ESR1: variants seen among roughly 807,000 people sequenced by gnomAD.
ESR1 encodes the protein estrogen receptor 1, also known as estrogen receptor.
In ESR1, 12 loss-of-function variants were observed where a neutral mutation model predicts 52.7. The ratio of observed to expected loss-of-function variants is 0.23; its 90% CI spans 0.15 to 0.37. ESR1 has a LOEUF of 0.37. Ranked by LOEUF, ESR1 falls within the 10% of genes least tolerant of loss-of-function variation. ESR1 has a pLI of 1.00. For missense variants in ESR1, 584 were observed against 779.7 expected (o/e 0.75, Z 2.99); for synonymous variants, 305 against 316.8 (o/e 0.96, Z 0.39).
At chr6:152,081,167 T>C (rs573225841) in intron 6 of ESR1, among the ~76,000 whole-genome samples, 1 of 152,282 alleles carries the variant, frequency 6.6e-6, no homozygotes, top group East Asian at 1.9e-4. Context: ...ATCAACAGAA[T>C]ATACATTCTT....
chr6:151,747,029 T>A (rs925328291), intron 2 of ESR1, among the ~76,000 whole-genome samples: 1 of 152,266 alleles, frequency 6.6e-6, no homozygotes, highest in Admixed American at 6.5e-5. Flanking sequence ...ATTCTTAGGT[T>A]GTTGTATCTT....
intron 6 of ESR1, among the ~76,000 whole-genome samples, chr6:152,088,891 T>A (rs542784163): frequency 7.0e-4 from 106 of 152,374 alleles, no homozygotes; most frequent in African/African-American, 2.5e-3. Flanking sequence ...GAAGTAATTT[T>A]GCAAATGAGT....
At chr6:151,844,261 A>C (rs556709462) in intron 2 of ESR1, among the ~76,000 whole-genome samples, 77 of 152,248 alleles carry the variant, frequency 5.1e-4, no homozygotes, top group African/African-American at 1.8e-3. Context: ...AGGTTAGTAT[A>C]AGCCCTTAGA....
intron 4 of ESR1, among the ~76,000 whole-genome samples, chr6:151,981,874 G>A (rs726283): frequency 0.57 from 86,214 of 152,060 alleles, 28,660 homozygotes; most frequent in Middle Eastern, 0.79. Flanking sequence ...TCCTAAACAT[G>A]TTTTCCTCAA....
chr6:151,985,055 T>C (rs2040326921), intron 4 of ESR1, among the ~76,000 whole-genome samples: 1 of 152,120 alleles, frequency 6.6e-6, no homozygotes, highest in African/African-American at 2.4e-5. Context: ...TCAATGTATG[T>C]ATGAATGTCC....
intron 4 of ESR1, among the ~76,000 whole-genome samples, chr6:151,971,488 C>G (rs968925076): frequency 1.4e-5 from 2 of 142,454 alleles, no homozygotes; most frequent in African/African-American, 5.6e-5. Flanking sequence ...ATAGTGGTCT[C>G]CAATTCCATC....
rs147584368 is a variant in ESR1, at chr6:151,857,428, C to G, written c.643+14641C>G. Reference sequence around the variant, plus strand: ...TCTTCGAACAAATCCCCCACAGATCCTGAGGGGCCACTGTATATATATATC... The same window carrying G: ...TCTTCGAACAAATCCCCCACAGATCGTGAGGGGCCACTGTATATATATATC... On this transcript the variant is annotated intron_variant, in intron 2 of 7. Coordinates refer to ENST00000206249, the MANE Select transcript of ESR1 (RefSeq NM_000125.4). Among the ~76,000 whole-genome samples, 811 of 151,968 alleles carry G rather than the reference C, an allele frequency of 5.3e-3. 4 individuals are homozygous for G. The highest frequency in any genetic ancestry group is 0.044 in the Middle Eastern group (13 of 294).
intron 2 of ESR1, among the ~76,000 whole-genome samples, chr6:151,782,396 T>C (rs560731143): frequency 3.9e-5 from 6 of 152,348 alleles, no homozygotes; most frequent in Non-Finnish European, 8.8e-5. Flanking sequence ...AATAGTATTA[T>C]AATTCAATGT....
At chr6:151,664,621 A>G (rs925472570) in intron 1 of ESR1, among the ~76,000 whole-genome samples, 1 of 152,300 alleles carries the variant, frequency 6.6e-6, no homozygotes, top group East Asian at 1.9e-4. Flanking sequence ...TACACACAGC[A>G]CCTGCCTGAT....
At chr6:151,982,704 GTTAATTTTAATAATATATTCA>G (rs2040114090) in intron 4 of ESR1, among the ~76,000 whole-genome samples, 1 of 151,550 alleles carries the variant, frequency 6.6e-6, no homozygotes, top group Non-Finnish European at 1.5e-5. Context: ...CAGGATGGTC[GTTAATTTTAATAATATATTCA>G]TTAATTTTAA....
intron 5 of ESR1, among the ~76,000 whole-genome samples, chr6:152,015,217 A>G (rs545171925): frequency 7.2e-5 from 11 of 152,270 alleles, no homozygotes; most frequent in Admixed American, 4.6e-4. Context: ...AACTTCACAC[A>G]TTCGAATTTC....
intron 6 of ESR1, among the ~76,000 whole-genome samples, chr6:152,113,688 G>A (rs1346499739): frequency 1.3e-5 from 2 of 152,054 alleles, no homozygotes; most frequent in East Asian, 3.9e-4. Context: ...AACAAGTGTG[G>A]GAAGATCTGG....
chr6:152,037,993 G>A (rs932538475), intron 5 of ESR1, among the ~76,000 whole-genome samples: 32 of 152,096 alleles, frequency 2.1e-4, no homozygotes, highest in African/African-American at 7.5e-4. Flanking sequence ...ACAAGGTGAC[G>A]TCCCACAATA....
intron 3 of ESR1, among the ~76,000 whole-genome samples, chr6:151,928,945 A>G (rs2033182988): frequency 1.3e-5 from 2 of 152,012 alleles, no homozygotes; most frequent in South Asian, 4.2e-4. Flanking sequence ...CTGTTCTTTT[A>G]AATTTGTTAA....
chr6:151,852,807 G>A (rs982782801), intron 2 of ESR1, among the ~76,000 whole-genome samples: 3 of 152,036 alleles, frequency 2.0e-5, no homozygotes, highest in African/African-American at 4.8e-5. Flanking sequence ...GCTGAGGGCA[G>A]CAGAGTTTTA....
chr6:152,008,007 T>C (rs2042464956), intron 4 of ESR1, among the ~76,000 whole-genome samples: 1 of 152,118 alleles, frequency 6.6e-6, no homozygotes, highest in East Asian at 1.9e-4. Context: ...TTGATGTCTA[T>C]CCATAGTTGG....
In ESR1 at chr6:152,051,611, C is replaced by T. The variant is rs116972019; in HGVS notation, c.1236-9380C>T. Among the ~76,000 whole-genome samples the T allele has an allele frequency of 2.7e-4, 41 of 152,180 alleles. No individual in the cohort carries two copies. In the East Asian group the frequency reaches 5.4e-3, roughly 20 times the overall value. On this transcript the variant is annotated intron_variant, in intron 5 of 7. Transcript: ENST00000206249. ...CATCTCTCCTCTCCCTCTGTGCACT[C>T]AGGCAGTCTCCCTTGTCAACCCCCA...
rs192678812 is a variant in ESR1, at chr6:152,126,961, C to T, written c.*1613C>T. The stretch of plus-strand genomic sequence containing the variant: ...TTCGGCTAACACTGGCAGTATGTAA[C>T]AGATTTATTTTGCAGAAACATCTAG... On this transcript the variant is annotated 3_prime_UTR_variant, in exon 7 of 7. Transcript: ENST00000427531. The T allele has an allele frequency of 3.9e-5, 6 of 152,322 alleles. No homozygotes were observed. In the East Asian group the frequency reaches 7.7e-4, roughly 20 times the overall value. The allele number at this position is 152,322 out of a possible 1,614,324, so 9.4% of individuals were successfully genotyped here. A position where few individuals can be genotyped will look rare whatever the true frequency, so the allele number is the denominator to read the frequency against.
chr6:151,657,235 G>T (rs1219319856), intron 1 of ESR1, among the ~76,000 whole-genome samples: 2 of 152,098 alleles, frequency 1.3e-5, no homozygotes, highest in African/African-American at 4.8e-5. Context: ...GTTTTAAAAA[G>T]ATGTAGCAAA....
Sources: gnomAD v4.1 joint callset for allele counts (sites outside exome capture counted in the v4.1 genomes callset) on GRCh38, gnomAD v4.1.1 for gene constraint, MANE v1.5 for transcripts, NCBI Gene and HGNC (gene_info 2026-07-23, HGNC 2026-07-21) for gene names.